Variants in PARN observed in about 807,000 individuals in gnomAD.
PARN encodes poly(A)-specific ribonuclease.
PARN carries 71 observed loss-of-function variants against 102.8 expected under a neutral mutation model. The observed-to-expected ratio is 0.69, with a 90% CI of 0.57 to 0.84. The LOEUF is 0.84. Among genes scored for constraint, PARN ranks in the 40% least tolerant of loss-of-function variants. The pLI, the probability that PARN is intolerant of heterozygous loss-of-function variation, is 0.00. For synonymous variants in PARN, 261 were observed against 252.9 expected, an observed-to-expected ratio of 1.03 and a Z score of -0.30; for missense variants, 782 against 760.9, an observed-to-expected ratio of 1.03 and a Z score of -0.33.
At chr16:14,441,553 G>C (rs560170917) in intron 23 of PARN, among the ~76,000 whole-genome samples, 9 of 152,192 alleles carry the variant, frequency 5.9e-5, no homozygotes, top group African/African-American at 2.2e-4. Flanking sequence ...AACGCTGAAG[G>C]GGGTACGCCC....
chr16:14,542,469 C>T (rs940453536), intron 21 of PARN, among the ~76,000 whole-genome samples: 2 of 151,648 alleles, frequency 1.3e-5, no homozygotes, highest in Non-Finnish European at 2.9e-5. Context: ...AAAATGTGCA[C>T]CACCACAGCC....
chr16:14,506,156 C>G (rs975658850), intron 21 of PARN, among the ~76,000 whole-genome samples: 1 of 152,156 alleles, frequency 6.6e-6, no homozygotes, highest in African/African-American at 2.4e-5. Flanking sequence ...TATCATGAGA[C>G]AATCAGAAAC....
At chr16:14,464,969 C>T (rs549490050) in intron 22 of PARN, among the ~76,000 whole-genome samples, 12 of 152,260 alleles carry the variant, frequency 7.9e-5, no homozygotes, top group South Asian at 2.1e-4. Context: ...TTGACTCCTT[C>T]AGGCAAAAGG....
chr16:14,474,381 T>C (rs1036399718), intron 22 of PARN, among the ~76,000 whole-genome samples: 2 of 152,226 alleles, frequency 1.3e-5, no homozygotes, highest in African/African-American at 4.8e-5. Context: ...GTGACACTGA[T>C]TTACTGTATG....
chr16:14,528,188 C>G (rs1966112239), intron 21 of PARN, among the ~76,000 whole-genome samples: 1 of 152,194 alleles, frequency 6.6e-6, no homozygotes, highest in Admixed American at 6.5e-5. Flanking sequence ...TTCTCCTGTG[C>G]CTGTGGAATT....
intron 6 of PARN, among the ~76,000 whole-genome samples, chr16:14,614,264 G>GA (rs368334204): frequency 8.6e-4 from 122 of 141,712 alleles, no homozygotes; most frequent in Non-Finnish European, 1.0e-3. Context: ...TCAAAAATGG[G>GA]AAAAAAAAAA....
chr16:14,609,165 G>A (rs1337649854), intron 7 of PARN, 42 bp from the exon 8 acceptor site: 2 of 931,524 alleles, frequency 2.1e-6, no homozygotes, highest in South Asian at 3.0e-5. Context: ...TACCTTTAAG[G>A]AATGAAGTCA....
intron 22 of PARN, among the ~76,000 whole-genome samples, chr16:14,473,166 C>T (rs1157078336): frequency 6.6e-6 from 1 of 152,120 alleles, no homozygotes; most frequent in African/African-American, 2.4e-5. Context: ...ACAGAAACCA[C>T]CAAAAGAATA....
chr16:14,502,115 G>A (rs1964653874), intron 21 of PARN, among the ~76,000 whole-genome samples: 2 of 152,138 alleles, frequency 1.3e-5, no homozygotes, highest in African/African-American at 4.8e-5. Flanking sequence ...TGCCTCTCTG[G>A]GCAACTGTTT....
rs770366783 is a variant in PARN, at chr16:14,447,024, A to T, written c.1728T>A (p.Ala576=). 14 of 1,613,908 alleles carry T rather than the reference A, an allele frequency of 8.7e-6. No homozygotes were observed. Among genetic ancestry groups the T allele is most frequent in the Non-Finnish European group, 1.0e-5 (12 of 1,179,812 alleles). Reference sequence around the variant, plus strand: ...CCCCTGACACTCCGTCCTCCAGGCCAGCTTCCTCTTGACTAGGACTCAAAT... The same window carrying T: ...CCCCTGACACTCCGTCCTCCAGGCCTGCTTCCTCTTGACTAGGACTCAAAT... ...KRNLSPSQEE[A]GLEDGVSGEI... The change falls in exon 23 of 24, where the codon GCT becomes GCA. Residue 576 remains alanine (A), a synonymous_variant. Coordinates refer to ENST00000437198, the MANE Select transcript of PARN (RefSeq NM_002582.4).
chr16:14,492,728 T>G (rs753119741), intron 21 of PARN, among the ~76,000 whole-genome samples: 22 of 152,100 alleles, frequency 1.4e-4, no homozygotes, highest in Non-Finnish European at 2.5e-4. Context: ...CTTTACAAAC[T>G]AGACATGAAA....
chr16:14,598,011 G>A (rs1162859515), intron 12 of PARN, among the ~76,000 whole-genome samples: 1 of 152,128 alleles, frequency 6.6e-6, no homozygotes. Flanking sequence ...AGGCGTGGTA[G>A]CAGGCACCTG....
intron 9 of PARN, chr16:14,607,973 T>C (rs191653471): frequency 1.2e-5 from 4 of 320,426 alleles, no homozygotes; most frequent in Middle Eastern, 9.5e-4. Context: ...AGCATTCATC[T>C]GAGTATTTCC....
At chr16:14,557,632 G>A (rs1967779304) in intron 18 of PARN, among the ~76,000 whole-genome samples, 1 of 150,780 alleles carries the variant, frequency 6.6e-6, no homozygotes. Context: ...GAACAATACT[G>A]TTCTGTTAAT....
chr16:14,561,115 C>CT (rs1457925678), intron 18 of PARN, among the ~76,000 whole-genome samples: 4 of 148,692 alleles, frequency 2.7e-5, no homozygotes, highest in Non-Finnish European at 5.9e-5. Context: ...CGAGATTGCA[C>CT]TGCTGCACTC....
At chr16:14,613,973 A>G (rs1324897195) in intron 6 of PARN, among the ~76,000 whole-genome samples, 1 of 152,174 alleles carries the variant, frequency 6.6e-6, no homozygotes, top group East Asian at 1.9e-4. Flanking sequence ...AAACACTAAA[A>G]ACAATAAATG....
intron 22 of PARN, among the ~76,000 whole-genome samples, chr16:14,456,486 T>C (rs928367380): frequency 2.0e-5 from 3 of 152,146 alleles, no homozygotes; most frequent in Admixed American, 1.3e-4. Flanking sequence ...CAGTAAGTCT[T>C]AAAGACAGGT....
intron 22 of PARN, among the ~76,000 whole-genome samples, chr16:14,457,875 T>C (rs1961754933): frequency 6.8e-6 from 1 of 148,072 alleles, no homozygotes. Context: ...GGTAGCTGTC[T>C]GGTAATAAGG....
chr16:14,580,038 T>C (rs1969419742), intron 18 of PARN, among the ~76,000 whole-genome samples: 1 of 151,284 alleles, frequency 6.6e-6, no homozygotes, highest in Non-Finnish European at 1.5e-5. Flanking sequence ...TTCCATGGTC[T>C]ACAGCAAAGG....
Sources: allele counts gnomAD v4.1 joint callset (sites outside exome capture counted in the v4.1 genomes callset), GRCh38; gene constraint gnomAD v4.1.1; transcripts MANE v1.5; gene names NCBI Gene and HGNC (gene_info 2026-07-23, HGNC 2026-07-21).